SELENOI: variants seen among roughly 807,000 people sequenced by gnomAD.
SELENOI encodes the protein ethanolaminephosphotransferase 1.
A neutral mutation model predicts 50.7 loss-of-function variants in SELENOI; 24 were observed. That is an observed-to-expected ratio of 0.47 (90% CI 0.34 to 0.67). The LOEUF (loss-of-function observed/expected upper bound fraction) is 0.67. Among genes scored for constraint, SELENOI ranks in the 30% least tolerant of loss-of-function variants. The probability of loss-of-function intolerance (pLI) is 0.01; values close to 1 mark genes in which losing one functional copy is unlikely to be tolerated. For synonymous variants in SELENOI, 155 were observed against 170.2 expected, an observed-to-expected ratio of 0.91 and a Z score of 0.70; for missense variants, 352 against 461.4, an observed-to-expected ratio of 0.76 and a Z score of 2.17.
chr2:26,381,885 GC>G (rs1393527439), intron 6 of SELENOI, among the ~76,000 whole-genome samples: 2 of 152,170 alleles, frequency 1.3e-5, no homozygotes, highest in African/African-American at 2.4e-5. Context: ...AATCTTTAAG[GC>G]CATAGCTGCA....
chr2:26,374,681 G>T (rs1408575609), intron 5 of SELENOI, among the ~76,000 whole-genome samples: 1 of 150,360 alleles, frequency 6.7e-6, no homozygotes, highest in African/African-American at 2.5e-5. Context: ...CGATTCTTCC[G>T]CCTCAGCCTC....
intron 3 of SELENOI, 47 bp from the exon 4 acceptor site, chr2:26,367,099 C>G (rs187292473): frequency 6.6e-7 from 1 of 1,513,108 alleles, no homozygotes; most frequent in East Asian, 2.3e-5. Flanking sequence ...ATGGTAAGAA[C>G]TACTGTACTT....
At chr2:26,383,667 A>G (rs1677759223) in intron 7 of SELENOI, among the ~76,000 whole-genome samples, 1 of 152,078 alleles carries the variant, frequency 6.6e-6, no homozygotes, top group Non-Finnish European at 1.5e-5. Context: ...TCACGAGGTC[A>G]GGTTCGAGAC....
At chr2:26,377,532 T>C (rs1033426025) in intron 6 of SELENOI, among the ~76,000 whole-genome samples, 2 of 152,082 alleles carry the variant, frequency 1.3e-5, no homozygotes, top group Non-Finnish European at 2.9e-5. Context: ...CTTGGGAGGC[T>C]GAGGCAGGAG....
intron 4 of SELENOI, among the ~76,000 whole-genome samples, chr2:26,371,978 T>C (rs561661914): frequency 6.6e-6 from 1 of 152,350 alleles, no homozygotes; most frequent in East Asian, 1.9e-4. Context: ...CAACTCATTC[T>C]TTATGTCCTC....
At chr2:26,382,872 G>A (rs1677737515) in intron 6 of SELENOI, among the ~76,000 whole-genome samples, 1 of 152,010 alleles carries the variant, frequency 6.6e-6, no homozygotes, top group Non-Finnish European at 1.5e-5. Context: ...GAAGCAACAG[G>A]ATTCCCCCTT....
At chr2:26,365,070 CTA>C (rs1401588094) in intron 3 of SELENOI, 130 bp downstream of exon 3, 4 of 592,868 alleles carry the variant, frequency 6.7e-6, no homozygotes, top group Non-Finnish European at 1.1e-5. Flanking sequence ...ATCACCTTGC[CTA>C]TTGAATTAGA....
intron 1 of SELENOI, among the ~76,000 whole-genome samples, chr2:26,350,317 T>C (rs1470378271): frequency 6.6e-6 from 1 of 152,140 alleles, no homozygotes; most frequent in Non-Finnish European, 1.5e-5. Flanking sequence ...AATCTGGCCT[T>C]TAACCTTACT....
At chr2:26,382,040 A>G (rs142278134) in intron 6 of SELENOI, among the ~76,000 whole-genome samples, 1 of 152,360 alleles carries the variant, frequency 6.6e-6, no homozygotes, top group East Asian at 1.9e-4. Context: ...GAAAATAATT[A>G]GGAACTTATA....
chr2:26,367,222 T>C lies in SELENOI; in HGVS notation c.310+2T>C, dbSNP rs759758561. The C allele has an allele frequency of 4.3e-5, 69 of 1,604,000 alleles. No individual in the cohort carries two copies. Among genetic ancestry groups the C allele is most frequent in the Non-Finnish European group, 5.8e-5 (68 of 1,174,612 alleles). On this transcript the variant is annotated splice_donor_variant, in intron 4 of 9. Transcript: ENST00000260585. LOFTEE classifies it high-confidence loss of function. ...TCAACTTCGTAGCCTACACTCTAGG[T>C]AAGGAATTGGTAAATACTTACTATA...
chr2:26,352,502 T>C (rs924382475), intron 1 of SELENOI, among the ~76,000 whole-genome samples: 1 of 152,042 alleles, frequency 6.6e-6, no homozygotes. Flanking sequence ...TTAGTATCTC[T>C]AGCCGGGTGC....
intron 1 of SELENOI, among the ~76,000 whole-genome samples, chr2:26,363,805 C>T (rs746253395): frequency 6.6e-6 from 1 of 152,038 alleles, no homozygotes; most frequent in Non-Finnish European, 1.5e-5. Flanking sequence ...CTTGCTTTGT[C>T]GCCCAGGCTG....
chr2:26,346,379 T>C (rs1676757203), intron 1 of SELENOI, 90 bp downstream of exon 1: 5 of 1,409,042 alleles, frequency 3.5e-6, no homozygotes, highest in Non-Finnish European at 4.6e-6. Flanking sequence ...TGTCACCTTG[T>C]GCCGCGTGGC....
chr2:26,378,581 A>G lies in SELENOI; in HGVS notation c.682+3433A>G, dbSNP rs78090586. Among the ~76,000 whole-genome samples, 696 of 152,298 alleles carry G rather than the reference A, an allele frequency of 4.6e-3. 22 individuals are homozygous for G. In the South Asian group the frequency reaches 0.079, roughly 17 times the overall value. On this transcript the variant is annotated intron_variant, in intron 6 of 9. Transcript: ENST00000260585. ...TATTATCTGCTTCCATAAGCTGGTAAGGAAGACTGTGGCTTTCCATCATCT... is the reference window on the plus strand; with the variant it reads ...TATTATCTGCTTCCATAAGCTGGTAGGGAAGACTGTGGCTTTCCATCATCT...
chr2:26,387,632 G>T (rs1677872905), intron 9 of SELENOI, among the ~76,000 whole-genome samples: 1 of 151,308 alleles, frequency 6.6e-6, no homozygotes, highest in African/African-American at 2.4e-5. Flanking sequence ...GGAGGTCGGG[G>T]CTACAGTGAG....
rs532536466 is a variant in SELENOI at position 26,394,490 on chromosome 2, A to G, written c.*5387A>G. The G allele has an allele frequency of 3.3e-5, 5 of 152,348 alleles. No homozygotes were observed. Among genetic ancestry groups the G allele is most frequent in the African/African-American group, 1.2e-4 (5 of 41,574 alleles). 9.4% of individuals were successfully genotyped at this position (152,348 alleles called of 1,614,324 possible). A position where few individuals can be genotyped will look rare whatever the true frequency, so the allele number is the denominator to read the frequency against. On this transcript the variant is annotated 3_prime_UTR_variant, in exon 10 of 10. Coordinates refer to ENST00000260585, the MANE Select transcript of SELENOI (RefSeq NM_033505.4). This position sits in a 1 kb window ranked among gnomAD's most constrained non-coding sequence, Gnocchi z 4.1. Reference sequence around the variant, plus strand: ...TAACTACAAATTGAGACTGCTCACAATATTAACTTTTTTTGTAGGTTATTT... The same window carrying G: ...TAACTACAAATTGAGACTGCTCACAGTATTAACTTTTTTTGTAGGTTATTT...
rs1350719808 is a variant in SELENOI at position 26,389,452 on chromosome 2, T to G, written c.*349T>G. 1 of 175,838 alleles carries G rather than the reference T, an allele frequency of 5.7e-6. No individual in the cohort carries two copies. Among genetic ancestry groups the G allele is most frequent in the Non-Finnish European group, 1.2e-5 (1 of 82,062 alleles). 10.9% of individuals were successfully genotyped at this position (175,838 alleles called of 1,614,324 possible). A position where few individuals can be genotyped will look rare whatever the true frequency, so the allele number is the denominator to read the frequency against. ...AGTACCAAAATTGGTTTCAGAACACTGATAACACTCAGAAAACCACAGTGT... is the reference window on the plus strand; with the variant it reads ...AGTACCAAAATTGGTTTCAGAACACGGATAACACTCAGAAAACCACAGTGT... On this transcript the variant is annotated 3_prime_UTR_variant, in exon 10 of 10. Coordinates refer to ENST00000260585, the MANE Select transcript of SELENOI (RefSeq NM_033505.4).
chr2:26,383,411 T>A, intron 7 of SELENOI, 64 bp downstream of exon 7: 1 of 1,163,882 alleles, frequency 8.6e-7, no homozygotes, highest in African/African-American at 1.5e-5. Context: ...TTAGCTGAAC[T>A]TAGGGATCTA....
rs1320411823 is a variant in SELENOI at position 26,392,216 on chromosome 2, T to C, written c.*3113T>C. 2 of 152,108 alleles carry C rather than the reference T, an allele frequency of 1.3e-5. No individual in the cohort carries two copies. Among genetic ancestry groups the C allele is most frequent in the African/African-American group, 4.8e-5 (2 of 41,430 alleles). The allele number at this position is 152,108 out of a possible 1,614,324, so 9.4% of individuals were successfully genotyped here. A position where few individuals can be genotyped will look rare whatever the true frequency, so the allele number is the denominator to read the frequency against. On this transcript the variant is annotated 3_prime_UTR_variant, in exon 10 of 10. Coordinates refer to ENST00000260585, the MANE Select transcript of SELENOI (RefSeq NM_033505.4). ...CTGGAGCCTGAGCTTTGGGAGAATA[T>C]ACAAAGGAAAAAGCAGGCATAGTTT...
Sources: allele counts gnomAD v4.1 joint callset (sites outside exome capture counted in the v4.1 genomes callset), GRCh38; gene constraint gnomAD v4.1.1; non-coding constraint Gnocchi (gnomAD v3.1); transcripts MANE v1.5; gene names NCBI Gene and HGNC (gene_info 2026-07-23, HGNC 2026-07-21).